PTBP2: variants seen among roughly 807,000 people sequenced by gnomAD.
PTBP2 encodes polypyrimidine tract-binding protein 2.
In PTBP2, 13 loss-of-function variants were observed where a neutral mutation model predicts 61.4. The observed-to-expected ratio is 0.21, with a 90% CI of 0.14 to 0.34. PTBP2 has a LOEUF of 0.34. Ranked by LOEUF, PTBP2 falls within the 10% of genes least tolerant of loss-of-function variation. The pLI is 1.00. For missense variants in PTBP2, 405 were observed against 642.6 expected (o/e 0.63, Z 4.00); for synonymous variants, 215 against 218.5 (o/e 0.98, Z 0.14).
intron 11 of PTBP2, among the ~76,000 whole-genome samples, chr1:96,811,319 T>C (rs973031606): frequency 6.6e-6 from 1 of 152,190 alleles, no homozygotes; most frequent in Non-Finnish European, 1.5e-5. Context: ...TATACTGTAG[T>C]ATACTGTTTA....
intron 2 of PTBP2, among the ~76,000 whole-genome samples, chr1:96,748,445 T>TA (rs1654124673): frequency 3.9e-5 from 6 of 152,148 alleles, no homozygotes; most frequent in Admixed American, 3.9e-4. Context: ...CATTTTTTTT[T>TA]AAGTGGTTTC....
At chr1:96,819,562 C>T (rs1662607084), downstream of PTBP2, 1 of 151,836 alleles carries the variant, frequency 6.6e-6, no homozygotes, top group Non-Finnish European at 1.5e-5. Flanking sequence ...CATAATCAAC[C>T]AGTTAGATTC....
downstream of PTBP2, chr1:96,815,068 A>C (rs1218695913): frequency 6.6e-6 from 1 of 152,492 alleles, no homozygotes. Flanking sequence ...GGTTTTTTTT[A>C]ATTTAAAAGA....
At chr1:96,774,209 C>T (rs1015815796) in intron 5 of PTBP2, among the ~76,000 whole-genome samples, 1 of 151,866 alleles carries the variant, frequency 6.6e-6, no homozygotes, top group African/African-American at 2.4e-5. Context: ...AAGTTGGTCA[C>T]AGGAGGGAGA....
chr1:96,763,205 A>C (rs906299827), intron 3 of PTBP2, among the ~76,000 whole-genome samples: 45 of 152,060 alleles, frequency 3.0e-4, no homozygotes, highest in Non-Finnish European at 5.9e-5. Flanking sequence ...CAATCTCGGC[A>C]CTTTGGGAGG....
At chr1:96,800,678 G>T (rs898875100) in intron 8 of PTBP2, among the ~76,000 whole-genome samples, 1 of 152,124 alleles carries the variant, frequency 6.6e-6, no homozygotes, top group Non-Finnish European at 1.5e-5. Flanking sequence ...AAACAGCAGT[G>T]AGCCATGATC....
At chr1:96,731,074 A>G (rs1204306830) in intron 2 of PTBP2, among the ~76,000 whole-genome samples, 1 of 152,108 alleles carries the variant, frequency 6.6e-6, no homozygotes, top group Non-Finnish European at 1.5e-5. Context: ...TGTTAATGAC[A>G]ATGGAGGATA....
At chr1:96,788,631 T>C (rs974340678) in intron 8 of PTBP2, among the ~76,000 whole-genome samples, 1 of 152,040 alleles carries the variant, frequency 6.6e-6, no homozygotes, top group Non-Finnish European at 1.5e-5. Context: ...ATAGAGTATT[T>C]ATTTCAAAAA....
chr1:96,809,977 A>G (rs1476119118), intron 11 of PTBP2, among the ~76,000 whole-genome samples: 1 of 152,174 alleles, frequency 6.6e-6, no homozygotes, highest in Non-Finnish European at 1.5e-5. Context: ...AAAAATAGAC[A>G]AACATCTAAA....
intron 5 of PTBP2, among the ~76,000 whole-genome samples, chr1:96,776,277 AT>A (rs1360739385): frequency 6.6e-6 from 1 of 152,068 alleles, no homozygotes; most frequent in Non-Finnish European, 1.5e-5. Context: ...ACATTTAAAC[AT>A]TTGAATAGAT....
chr1:96,733,943 C>T (rs141323021), intron 2 of PTBP2, among the ~76,000 whole-genome samples: 12 of 152,214 alleles, frequency 7.9e-5, no homozygotes, highest in African/African-American at 2.6e-4. Context: ...AATCCTGAGT[C>T]TCTATATTGT....
At chr1:96,746,084 AC>A (rs1206538950) in intron 2 of PTBP2, among the ~76,000 whole-genome samples, 27 of 151,790 alleles carry the variant, frequency 1.8e-4, no homozygotes, top group Admixed American at 2.6e-4. Flanking sequence ...ACAAAAAAAA[AC>A]AACAACAAAA....
chr1:96,801,585 T>A (rs959280463), intron 8 of PTBP2, among the ~76,000 whole-genome samples: 1 of 152,160 alleles, frequency 6.6e-6, no homozygotes, highest in African/African-American at 2.4e-5. Context: ...CCAGGCGCAG[T>A]GGCTCAGACC....
At chr1:96,819,155 TACTC>T (rs963266468), downstream of PTBP2, 2 of 152,016 alleles carry the variant, frequency 1.3e-5, no homozygotes, top group African/African-American at 4.8e-5. Flanking sequence ...AATGAAATGA[TACTC>T]AGGTCATTTT....
At chr1:96,778,359 T>C (rs1658274375) in intron 7 of PTBP2, among the ~76,000 whole-genome samples, 1 of 147,938 alleles carries the variant, frequency 6.8e-6, no homozygotes, top group South Asian at 2.2e-4. Flanking sequence ...TCTCAGTTTA[T>C]TTAAAACTAT....
chr1:96,803,594 T>A lies in PTBP2; in HGVS notation c.905-1206T>A, dbSNP rs190241582. 2.9e-3 allele frequency among the ~76,000 whole-genome samples: 443 copies of A among 152,068 alleles called. 2 individuals are homozygous for A. The highest frequency in any genetic ancestry group is 0.01 in the African/African-American group (433 of 41,506). On this transcript the variant is annotated intron_variant, in intron 8 of 13. Coordinates refer to ENST00000674951, the MANE Select transcript of PTBP2 (RefSeq NM_021190.4). ...TATAAGTCAAAAACTTAGGTTAAGGTTTGTGAATATTAAAGAGCGCTTCAG... is the reference window on the plus strand; with the variant it reads ...TATAAGTCAAAAACTTAGGTTAAGGATTGTGAATATTAAAGAGCGCTTCAG...
At chr1:96,774,859 A>G (rs755787883) in intron 5 of PTBP2, among the ~76,000 whole-genome samples, 2 of 151,712 alleles carry the variant, frequency 1.3e-5, no homozygotes, top group Non-Finnish European at 2.9e-5. Flanking sequence ...TCTTATGACT[A>G]CTCCCACCCT....
chr1:96,730,092 C>T (rs1651198134), intron 2 of PTBP2, among the ~76,000 whole-genome samples: 1 of 152,100 alleles, frequency 6.6e-6, no homozygotes, highest in Admixed American at 6.6e-5. Flanking sequence ...TTCTCATTCC[C>T]AGTAGGGATA....
At chr1:96,818,182 A>G (rs1011664080), downstream of PTBP2, 2 of 152,136 alleles carry the variant, frequency 1.3e-5, no homozygotes, top group African/African-American at 2.4e-5. Flanking sequence ...TTCAATGGAC[A>G]GAAAGACTAT....
Sources: gnomAD v4.1 joint callset for allele counts (sites outside exome capture counted in the v4.1 genomes callset) on GRCh38, gnomAD v4.1.1 for gene constraint, MANE v1.5 for transcripts, NCBI Gene and HGNC (gene_info 2026-07-23, HGNC 2026-07-21) for gene names.